The following DOK5 variants were observed in gnomAD, a reference collection of about 807,000 sequenced individuals.
The protein encoded by DOK5 is downstream of tyrosine kinase 5.
A neutral mutation model predicts 43.3 loss-of-function variants in DOK5; 27 were observed. That is an observed-to-expected ratio of 0.62 (90% CI 0.46 to 0.86). DOK5 has a LOEUF of 0.86. Among genes scored for constraint, DOK5 ranks in the 40% least tolerant of loss-of-function variants. DOK5 has a pLI of 0.00. For missense variants in DOK5, 373 were observed against 392.9 expected, an observed-to-expected ratio of 0.95 and a Z score of 0.43; for synonymous variants, 146 against 140.1, an observed-to-expected ratio of 1.04 and a Z score of -0.30.
chr20:54,534,819 G>GTTTCTTTCTTTCTTTCTTTC (rs112769125), intron 1 of DOK5, among the ~76,000 whole-genome samples: 19 of 150,568 alleles, frequency 1.3e-4, no homozygotes, highest in African/African-American at 4.5e-4. Context: ...TTGAAAGCAT[G>GTTTCTTTCTTTCTTTCTTTC]TTTCTTTCTT....
intron 1 of DOK5, 46 bp downstream of exon 1, chr20:54,476,058 C>T: frequency 6.2e-7 from 1 of 1,607,340 alleles, no homozygotes; most frequent in Non-Finnish European, 8.5e-7. Context: ...GTTCGATTGT[C>T]TCTCTCTTGA....
chr20:54,536,617 A>C (rs1343785116), intron 1 of DOK5, among the ~76,000 whole-genome samples: 1 of 151,976 alleles, frequency 6.6e-6, no homozygotes, highest in African/African-American at 2.4e-5. Context: ...AGGCACACAC[A>C]AAAAAAAGTC....
At chr20:54,533,456 C>T (rs1390612049) in intron 1 of DOK5, among the ~76,000 whole-genome samples, 1 of 152,144 alleles carries the variant, frequency 6.6e-6, no homozygotes, top group East Asian at 1.9e-4. Flanking sequence ...GAAATTTAAA[C>T]ATTTTTTTCT....
At chr20:54,569,190 A>C (rs1985203453) in intron 2 of DOK5, among the ~76,000 whole-genome samples, 1 of 152,146 alleles carries the variant, frequency 6.6e-6, no homozygotes, top group African/African-American at 2.4e-5. Flanking sequence ...GCAGTTCATA[A>C]ATTCAGGCTT....
intron 1 of DOK5, among the ~76,000 whole-genome samples, chr20:54,492,686 TTG>T (rs34741362): frequency 0.045 from 6,308 of 140,684 alleles, 211 homozygotes; most frequent in African/African-American, 0.1. Flanking sequence ...GAGTGTGGCT[TTG>T]TGTGTGTGTG....
Position 54,588,762 on chromosome 20 carries a change from G to A in DOK5, c.365G>A (p.Gly122Glu). ...ACACGGATCAATGACATCAGCCTTG[G>A]AGAGCCTGACTTACTGGCCACTGGG... ...VGTRINDISL[G>E]EPDLLATGVE... Residue 122 changes from glycine (G) to glutamate (E), a missense_variant, in exon 4 of 8, where the codon GGA becomes GAA. Transcript: ENST00000262593. 1 of 1,614,050 alleles carries A rather than the reference G, an allele frequency of 6.2e-7. No individual in the cohort carries two copies. Among genetic ancestry groups the A allele is most frequent in the Non-Finnish European group, 8.5e-7 (1 of 1,179,954 alleles).
intron 1 of DOK5, among the ~76,000 whole-genome samples, chr20:54,528,725 A>G (rs1983662493): frequency 6.6e-6 from 1 of 152,168 alleles, no homozygotes; most frequent in Admixed American, 6.6e-5. Flanking sequence ...GACTGCTGGG[A>G]GGCAGCTTTT....
chr20:54,632,801 G>GA (rs1978631492), intron 6 of DOK5, among the ~76,000 whole-genome samples: 1 of 152,184 alleles, frequency 6.6e-6, no homozygotes, highest in African/African-American at 2.4e-5. Flanking sequence ...TCCTGGCCGG[G>GA]AGCAGTGGCT....
intron 6 of DOK5, among the ~76,000 whole-genome samples, chr20:54,620,161 T>C (rs537899822): frequency 6.6e-6 from 1 of 152,364 alleles, no homozygotes; most frequent in East Asian, 1.9e-4. Context: ...ATGAAATACC[T>C]ATTTGCTACT....
Position 54,598,878 on chromosome 20 carries a change from G to GT in DOK5, c.599+7080dup, listed in dbSNP as rs73625018. 0.01 allele frequency among the ~76,000 whole-genome samples: 1,566 copies of GT among 152,066 alleles called. 78 individuals carry two copies. In the East Asian group the frequency reaches 0.17, roughly 16 times the overall value. On this transcript the variant is annotated intron_variant, in intron 5 of 7. Coordinates refer to ENST00000262593, the MANE Select transcript of DOK5 (RefSeq NM_018431.5). ...TCTGAACAGCTTTAGAAAATAATTT[G>GT]TTTTTTTGTATATTTCACCCTAAAA...
In DOK5 at chr20:54,646,248, G is replaced by GTTTTTTTTTTTTTTT. The variant is rs386394048; in HGVS notation, c.856+2680_856+2694dup. Among the ~76,000 whole-genome samples, 188 of 79,914 alleles carry GTTTTTTTTTTTTTTT rather than the reference G, an allele frequency of 2.4e-3. 21 individuals are homozygous for GTTTTTTTTTTTTTTT. Among genetic ancestry groups the GTTTTTTTTTTTTTTT allele is most frequent in the African/African-American group, 2.8e-3 (53 of 18,990 alleles). The allele number at this position is 79,914 out of a possible 152,430, so 52.4% of individuals were successfully genotyped here. ...TACTGTTATATCCACTGGTTATACT[G>GTTTTTTTTTTTTTTT]TTTTTTTTTTTTTTTTTTTTTTTTG... On this transcript the variant is annotated intron_variant, in intron 7 of 7. Coordinates refer to ENST00000262593, the MANE Select transcript of DOK5 (RefSeq NM_018431.5).
At chr20:54,508,422 T>C (rs1448018425) in intron 1 of DOK5, among the ~76,000 whole-genome samples, 2 of 150,578 alleles carry the variant, frequency 1.3e-5, no homozygotes, top group East Asian at 1.9e-4. Flanking sequence ...GCTGGGGATA[T>C]AATGATGCTT....
chr20:54,592,891 T>C (rs1382026958), intron 5 of DOK5, among the ~76,000 whole-genome samples: 1 of 152,214 alleles, frequency 6.6e-6, no homozygotes, highest in Non-Finnish European at 1.5e-5. Context: ...TAAGTTCTTC[T>C]GTATATGGCC....
intron 2 of DOK5, among the ~76,000 whole-genome samples, chr20:54,582,552 A>G (rs1985676991): frequency 6.6e-6 from 1 of 151,524 alleles, no homozygotes; most frequent in Non-Finnish European, 1.5e-5. Context: ...TTAATTATTG[A>G]ATCCCTTAAT....
chr20:54,588,625 T>A, intron 3 of DOK5, 28 bp downstream of exon 3: 1 of 1,614,038 alleles, frequency 6.2e-7, no homozygotes, highest in Non-Finnish European at 8.5e-7. Context: ...CTGGGGGGCT[T>A]TTGCTTTTAG....
rs957500313 is a variant in DOK5, at chr20:54,481,020, C to T, written c.66+5008C>T. On this transcript the variant is annotated intron_variant, in intron 1 of 7. Coordinates refer to ENST00000262593, the MANE Select transcript of DOK5 (RefSeq NM_018431.5). ...TATCTATCATCTATCATCTATCTAT[C>T]TATCATCTATCTATCATCTATCTAT... 9.8e-5 allele frequency among the ~76,000 whole-genome samples: 13 copies of T among 132,996 alleles called. 1 individual carries two copies. The highest frequency in any genetic ancestry group is 3.4e-5 in the African/African-American group (1 of 29,016). 87.3% of individuals were successfully genotyped at this position (132,996 alleles called of 152,430 possible).
At chr20:54,601,969 C>T (rs896132511) in intron 5 of DOK5, among the ~76,000 whole-genome samples, 3 of 152,162 alleles carry the variant, frequency 2.0e-5, no homozygotes, top group Non-Finnish European at 4.4e-5. Context: ...CCATGAGCCT[C>T]CACATCACTC....
intron 2 of DOK5, among the ~76,000 whole-genome samples, chr20:54,556,618 A>T (rs16999772): frequency 1.2e-4 from 19 of 152,102 alleles, no homozygotes; most frequent in Admixed American, 1.2e-3. Context: ...TATTTTTGCT[A>T]GAACAGCCTT....
intron 6 of DOK5, among the ~76,000 whole-genome samples, chr20:54,624,652 T>C (rs564286320): frequency 7.1e-6 from 1 of 140,694 alleles, no homozygotes; most frequent in East Asian, 1.9e-4. Context: ...AATGTATAGG[T>C]GGGGGAGAGA....
Sources: gnomAD v4.1 joint callset for allele counts (sites outside exome capture counted in the v4.1 genomes callset) on GRCh38, gnomAD v4.1.1 for gene constraint, MANE v1.5 for transcripts, NCBI Gene and HGNC (gene_info 2026-07-23, HGNC 2026-07-21) for gene names.